Variants in BACH1 observed in about 807,000 individuals in gnomAD.
The protein encoded by BACH1 is BTB domain and CNC homolog 1, also known as transcription regulator protein BACH1.
BACH1 carries 35 observed loss-of-function variants against 52.9 expected under a neutral mutation model. The observed-to-expected ratio is 0.66, with a 90% confidence interval of 0.51 to 0.88. BACH1 has a LOEUF of 0.88. Ranked by LOEUF, BACH1 falls within the 40% of genes least tolerant of loss-of-function variation. The pLI, the probability that BACH1 is intolerant of heterozygous loss-of-function variation, is 0.00. For missense variants in BACH1, 808 were observed against 872.6 expected, an observed-to-expected ratio of 0.93 and a Z score of 0.93; for synonymous variants, 321 against 319.6, an observed-to-expected ratio of 1.00 and a Z score of -0.05.
At chr21:29,351,580 A>T (rs998171361) in intron 2 of BACH1, 4 of 533,628 alleles carry the variant, frequency 7.5e-6, no homozygotes. Context: ...TCTGGGCTTT[A>T]GAAGACCTCA....
chr21:29,333,701 A>G (rs1219107404), intron 4 of BACH1, among the ~76,000 whole-genome samples: 2 of 152,236 alleles, frequency 1.3e-5, no homozygotes. Context: ...GGCATAATAG[A>G]TTCTGGATGG....
chr21:29,330,645 C>T (rs1214363679), intron 4 of BACH1, among the ~76,000 whole-genome samples: 1 of 152,000 alleles, frequency 6.6e-6, no homozygotes, highest in African/African-American at 2.4e-5. Context: ...AGGAAACAGC[C>T]TAGAAGTAGT....
Position 29,326,889 on chromosome 21 carries a change from C to A in BACH1, c.1065C>A (p.Asp355Glu). Residue 355 changes from aspartate (D) to glutamate (E), a missense_variant, in exon 3 of 5, where the codon GAC becomes GAA. By Grantham distance (45) the Asp-to-Glu change is conservative. Transcript: ENST00000286800. ...VLTEKPLSGT[D>E]VQEKTFGESQ... Reference sequence around the variant, plus strand: ...CAGAAAAGCCTTTGTCAGGTACAGACGTCCAAGAAAAAACATTTGGTGAAA... The same window carrying A: ...CAGAAAAGCCTTTGTCAGGTACAGAAGTCCAAGAAAAAACATTTGGTGAAA... 2 of 1,614,150 alleles carry A rather than the reference C, an allele frequency of 1.2e-6. No homozygotes were observed. Among genetic ancestry groups the A allele is most frequent in the Non-Finnish European group, 1.7e-6 (2 of 1,180,044 alleles).
intron 4 of BACH1, among the ~76,000 whole-genome samples, chr21:29,332,559 C>T (rs904322707): frequency 1.3e-5 from 2 of 152,256 alleles, no homozygotes; most frequent in Non-Finnish European, 1.5e-5. Flanking sequence ...AGAAGCTAGA[C>T]AATGGAGCCA....
At chr21:29,311,960 A>G (rs1301041818) in intron 1 of BACH1, among the ~76,000 whole-genome samples, 1 of 152,276 alleles carries the variant, frequency 6.6e-6, no homozygotes, top group Non-Finnish European at 1.5e-5. Flanking sequence ...CTTAACTGAC[A>G]GTGGAGTCCT....
intron 4 of BACH1, among the ~76,000 whole-genome samples, chr21:29,330,726 A>G (rs965388766): frequency 6.6e-6 from 1 of 152,322 alleles, no homozygotes; most frequent in African/African-American, 2.4e-5. Flanking sequence ...GATTGTGGCA[A>G]GTTTTCAAGC....
At chr21:29,359,749 C>T (rs2089259890) in intron 2 of BACH1, among the ~76,000 whole-genome samples, 1 of 152,060 alleles carries the variant, frequency 6.6e-6, no homozygotes, top group South Asian at 2.1e-4. Context: ...TCACAATTTG[C>T]CCGTAAGGAA....
rs59785894 is a variant in BACH1, at chr21:29,324,556, T to TTGTGTGTG, written c.235-1465_235-1458dup. ...TAATATTCTGTAGTATGGATGTACC[T>TTGTGTGTG]TGTGTGTGTGTGTGTGTGTGTGTGT... On this transcript the variant is annotated intron_variant, in intron 2 of 4. Transcript: ENST00000286800. Among the ~76,000 whole-genome samples, 1,181 of 145,280 alleles carry TTGTGTGTG rather than the reference T, an allele frequency of 8.1e-3. 11 individuals carry two copies. The highest frequency in any genetic ancestry group is 0.028 in the Middle Eastern group (8 of 290).
chr21:29,314,557 T>G (rs2088764681), intron 1 of BACH1, among the ~76,000 whole-genome samples: 2 of 152,202 alleles, frequency 1.3e-5, no homozygotes, highest in African/African-American at 4.8e-5. Flanking sequence ...CATGATGTTG[T>G]AATAATCATG....
downstream of BACH1, among the ~76,000 whole-genome samples, chr21:29,349,269 G>A (rs551537800): frequency 6.6e-6 from 1 of 152,242 alleles, no homozygotes; most frequent in South Asian, 2.1e-4. Flanking sequence ...CCAGTTAGAA[G>A]CTAGAACCTT....
intron 4 of BACH1, 107 bp from the exon 5 acceptor site, chr21:29,342,292 A>T: frequency 1.8e-6 from 2 of 1,126,564 alleles, no homozygotes; most frequent in Non-Finnish European, 1.3e-6. Flanking sequence ...GATAAACTCC[A>T]TGTGATCTTA....
At chr21:29,311,176 C>T (rs987105784) in intron 1 of BACH1, among the ~76,000 whole-genome samples, 6 of 152,136 alleles carry the variant, frequency 3.9e-5, no homozygotes, top group East Asian at 1.9e-4. Context: ...TGTGTAACAT[C>T]GTACCCAAAC....
intron 4 of BACH1, among the ~76,000 whole-genome samples, chr21:29,339,629 G>GTTTT (rs34979217): frequency 6.1e-5 from 6 of 98,516 alleles, no homozygotes; most frequent in African/African-American, 8.4e-5. Flanking sequence ...AGATGCAAAG[G>GTTTT]TTTTTTTTTT....
Position 29,342,669 on chromosome 21 carries a change from T to C in BACH1, c.2047T>C (p.Cys683Arg), listed in dbSNP as rs1179336989. The change falls in exon 5 of 5, where the codon TGT (cysteine) becomes CGT (arginine). Residue 683 changes from cysteine to arginine, a missense_variant. Cys to Arg is a radical substitution (Grantham distance 180). Transcript: ENST00000286800. Reference sequence around the variant, plus strand: ...CCGGCCTCCAGCAGTGCTGCCTCCCTGTGCCAGAGGAAACAGTGAGCCTGG... The same window carrying C: ...CCGGCCTCCAGCAGTGCTGCCTCCCCGTGCCAGAGGAAACAGTGAGCCTGG... ...SDRPPAVLPP[C>R]ARGNSEPGYA... 6.2e-7 allele frequency: 1 copy of C among 1,614,244 alleles called. No homozygotes were observed. The highest frequency in any genetic ancestry group is 1.7e-5 in the Admixed American group (1 of 60,030).
intron 4 of BACH1, among the ~76,000 whole-genome samples, chr21:29,330,092 A>C (rs541763825): frequency 6.6e-6 from 1 of 152,358 alleles, no homozygotes; most frequent in East Asian, 1.9e-4. Context: ...AAATTCTGAT[A>C]GATATGGTGA....
chr21:29,331,702 T>C (rs2088984824), intron 4 of BACH1, among the ~76,000 whole-genome samples: 1 of 152,166 alleles, frequency 6.6e-6, no homozygotes, highest in Non-Finnish European at 1.5e-5. Context: ...TTAATTTCTC[T>C]GTGACTTGGG....
rs1381555447 is a variant in BACH1, at chr21:29,326,796, T to A, written c.972T>A (p.Ser324=). 1 of 1,614,146 alleles carries A rather than the reference T, an allele frequency of 6.2e-7. No individual in the cohort carries two copies. The highest frequency in any genetic ancestry group is 1.7e-5 in the Admixed American group (1 of 60,036). The change falls in exon 3 of 5, where the codon TCT becomes TCA. Residue 324 remains serine (S), a synonymous_variant. Transcript: ENST00000286800. The part of the protein sequence containing the change: ...SIDPHGLYSL[S]LLHTYDQYGD... ...ACCCTCATGGACTTTATTCTTTGTCTCTTTTACACACATATGACCAATATG... is the reference window on the plus strand; with the variant it reads ...ACCCTCATGGACTTTATTCTTTGTCACTTTTACACACATATGACCAATATG...
intron 4 of BACH1, among the ~76,000 whole-genome samples, chr21:29,335,588 A>T (rs545399331): frequency 6.6e-6 from 1 of 152,206 alleles, no homozygotes; most frequent in Non-Finnish European, 1.5e-5. Flanking sequence ...GAAAAGTTAA[A>T]TGAATGGGTA....
chr21:29,349,861 T>G (rs1304385256), downstream of BACH1, among the ~76,000 whole-genome samples: 2 of 152,226 alleles, frequency 1.3e-5, no homozygotes, highest in Non-Finnish European at 2.9e-5. Flanking sequence ...TCATTAATGC[T>G]GAGCCACTTA....
Sources: gnomAD v4.1 joint callset for allele counts (sites outside exome capture counted in the v4.1 genomes callset) on GRCh38, gnomAD v4.1.1 for gene constraint, MANE v1.5 for transcripts, NCBI Gene and HGNC (gene_info 2026-07-23, HGNC 2026-07-21) for gene names.